ACSL5: variants seen among roughly 807,000 people sequenced by gnomAD.
ACSL5 encodes long-chain-fatty-acid--CoA ligase 5.
ACSL5 carries 50 observed loss-of-function variants against 84.9 expected under a neutral mutation model. That is an observed-to-expected ratio of 0.59 (90% CI 0.47 to 0.75). ACSL5 has a LOEUF of 0.75. Ranked by LOEUF, ACSL5 falls within the 30% of genes least tolerant of loss-of-function variation. The pLI is 0.00. For synonymous variants in ACSL5, 280 were observed against 300.7 expected (o/e 0.93, Z 0.71); for missense variants, 775 against 830.4 (o/e 0.93, Z 0.82).
Position 112,404,702 on chromosome 10 carries a change from T to C in ACSL5, c.331-3T>C, listed in dbSNP as rs1214179556. On this transcript the variant is annotated splice_region_variant and splice_polypyrimidine_tract_variant and intron_variant, in intron 4 of 20. Transcript: ENST00000354655. ...TCTCTCACCCCATCTCTCTTTTTTG[T>C]AGGTGTCTGATAGAGCAGAGTACCT... 4.3e-6 allele frequency: 7 copies of C among 1,613,232 alleles called. No individual in the cohort carries two copies. Among genetic ancestry groups the C allele is most frequent in the Non-Finnish European group, 5.9e-6 (7 of 1,179,360 alleles).
At chr10:112,425,581 C>G (rs1297600722) in intron 18 of ACSL5, 100 bp downstream of exon 18, 2 of 828,512 alleles carry the variant, frequency 2.4e-6, no homozygotes, top group Non-Finnish European at 3.3e-6. Context: ...TGAGAAGATC[C>G]AAGCTTATAA....
intron 1 of ACSL5, among the ~76,000 whole-genome samples, chr10:112,389,024 A>T (rs1849508275): frequency 6.6e-6 from 1 of 152,222 alleles, no homozygotes; most frequent in Admixed American, 6.5e-5. Context: ...GCCAATAGGG[A>T]TAGTATGAAA....
rs35032191 is a variant in ACSL5 at position 112,387,936 on chromosome 10, C to CTTTTTTTT, written c.-29-6970_-29-6963dup. On this transcript the variant is annotated intron_variant, in intron 1 of 20. Transcript: ENST00000354655. Reference sequence around the variant, plus strand: ...AGGTAACAGAATGATTTATTTGTTCCTTTTTTTTTTTTTTTTTTTGGAGAC... The same window carrying CTTTTTTTT: ...AGGTAACAGAATGATTTATTTGTTCCTTTTTTTTTTTTTTTTTTTTTTTTTTTGGAGAC... 2.5e-5 allele frequency among the ~76,000 whole-genome samples: 3 copies of CTTTTTTTT among 118,432 alleles called. 1 individual carries two copies. Among genetic ancestry groups the CTTTTTTTT allele is most frequent in the Non-Finnish European group, 3.3e-5 (2 of 59,818 alleles). 77.7% of individuals were successfully genotyped at this position (118,432 alleles called of 152,430 possible). A position where few individuals can be genotyped will look rare whatever the true frequency, so the allele number is the denominator to read the frequency against.
chr10:112,398,651 C>T (rs537238989), intron 2 of ACSL5, among the ~76,000 whole-genome samples: 4 of 152,168 alleles, frequency 2.6e-5, no homozygotes, highest in East Asian at 1.9e-4. Context: ...GTGATCCACC[C>T]GCCTCAGCCT....
At chr10:112,401,786 C>CTCTTTCTTTCTTTCTT (rs1178224793) in intron 3 of ACSL5, among the ~76,000 whole-genome samples, 103 of 119,476 alleles carry the variant, frequency 8.6e-4, no homozygotes, top group Non-Finnish European at 5.3e-4. Context: ...TTCTTTCTTT[C>CTCTTTCTTTCTTTCTT]TCTTTCTTTC....
At position 112,403,365 on chromosome 10, in the gene ACSL5, G is replaced by A. The variant is rs749902484; in HGVS notation, c.266-1146G>A. ...TGCAATGGCACGATCTCAACTCATC[G>A]CAACTTCCACCTCCCGGGTGAAGCA... On this transcript the variant is annotated intron_variant, in intron 3 of 20. Transcript: ENST00000354655. 3.3e-5 allele frequency among the ~76,000 whole-genome samples: 5 copies of A among 152,276 alleles called. No homozygotes were observed. In the East Asian group the frequency reaches 5.8e-4, roughly 18 times the overall value.
At chr10:112,388,985 T>C (rs1270077457) in intron 1 of ACSL5, among the ~76,000 whole-genome samples, 2 of 152,074 alleles carry the variant, frequency 1.3e-5, no homozygotes, top group African/African-American at 4.8e-5. Flanking sequence ...TTTTAAAAGA[T>C]AGAGACTATC....
intron 3 of ACSL5, among the ~76,000 whole-genome samples, chr10:112,403,027 A>G (rs894286447): frequency 9.2e-5 from 14 of 152,208 alleles, no homozygotes; most frequent in African/African-American, 2.7e-4. Flanking sequence ...TAATTCTTTT[A>G]TTGTCAAATG....
At chr10:112,376,187 A>G (rs1188773080) in intron 1 of ACSL5, 16 of 1,221,548 alleles carry the variant, frequency 1.3e-5, no homozygotes, top group Non-Finnish European at 1.7e-5. Context: ...TTCAGTTGTG[A>G]AAAAAAAAAT....
chr10:112,410,195 C>T, intron 7 of ACSL5: 3 of 1,474,864 alleles, frequency 2.0e-6, no homozygotes, highest in Admixed American at 2.1e-5. Context: ...TTAGTTAGGG[C>T]CCTAGATGAC....
At chr10:112,377,561 A>T (rs1003563403) in intron 1 of ACSL5, among the ~76,000 whole-genome samples, 3 of 151,992 alleles carry the variant, frequency 2.0e-5, no homozygotes, top group Non-Finnish European at 2.9e-5. Flanking sequence ...AAACAAATAA[A>T]AAAACATTGA....
intron 5 of ACSL5, among the ~76,000 whole-genome samples, chr10:112,407,873 C>T (rs544046883): frequency 6.6e-5 from 10 of 152,148 alleles, no homozygotes; most frequent in African/African-American, 1.9e-4. Flanking sequence ...ATACCTCTTA[C>T]GGATGGAACT....
chr10:112,390,675 GATAGA>G (rs1849541836), intron 1 of ACSL5, among the ~76,000 whole-genome samples: 1 of 151,958 alleles, frequency 6.6e-6, no homozygotes, highest in African/African-American at 2.4e-5. Flanking sequence ...TAGATAGATA[GATAGA>G]TAGATAGATA....
At position 112,416,981 on chromosome 10, in the gene ACSL5, C is replaced by T; in HGVS notation, c.1177C>T (p.His393Tyr). The T allele has an allele frequency of 6.2e-7, 1 of 1,613,988 alleles. No homozygotes were observed. The highest frequency in any genetic ancestry group is 8.5e-7 in the Non-Finnish European group (1 of 1,179,960). Residue 393 changes from histidine to tyrosine, a missense_variant, in exon 13 of 21, where the codon CAT (histidine) becomes TAT (tyrosine). Coordinates refer to ENST00000354655, the MANE Select transcript of ACSL5 (RefSeq NM_203379.2). Reference sequence around the variant, plus strand: ...AGAGCTTCAAAAGGGTATCATCAGGCATGATAGTTTCTGGGACAAGCTCAT... The same window carrying T: ...AGAGCTTCAAAAGGGTATCATCAGGTATGATAGTTTCTGGGACAAGCTCAT... ...FKELQKGIIRHDSFWDKLIFA... is the reference protein window; with the variant it reads ...FKELQKGIIRYDSFWDKLIFA...
intron 9 of ACSL5, 123 bp downstream of exon 9, chr10:112,410,758 C>T (rs1329285199): frequency 1.1e-6 from 1 of 921,610 alleles, no homozygotes; most frequent in Admixed American, 2.8e-5. Flanking sequence ...GGCTCACAGC[C>T]TAAGGCTTCT....
At chr10:112,426,694 T>G (rs113278426) in intron 19 of ACSL5, 94 bp from the exon 20 acceptor site, 2 of 1,082,912 alleles carry the variant, frequency 1.8e-6, no homozygotes, top group African/African-American at 3.1e-5. Context: ...GCTTTCATAC[T>G]GCATGGCTTT....
intron 14 of ACSL5, chr10:112,419,610 C>T (rs944580328): frequency 6.6e-6 from 1 of 152,128 alleles, no homozygotes; most frequent in South Asian, 2.1e-4. Flanking sequence ...TGTTGGCACT[C>T]AAAAAGTTTT....
At chr10:112,407,792 C>CA (rs1844079947) in intron 5 of ACSL5, among the ~76,000 whole-genome samples, 1 of 152,160 alleles carries the variant, frequency 6.6e-6, no homozygotes, top group African/African-American at 2.4e-5. Flanking sequence ...CAGTTTCCCA[C>CA]AAGCAGTCCC....
At chr10:112,402,770 A>G (rs892125440) in intron 3 of ACSL5, among the ~76,000 whole-genome samples, 16 of 152,188 alleles carry the variant, frequency 1.1e-4, no homozygotes, top group African/African-American at 2.6e-4. Context: ...TTTTGGCAAG[A>G]CCTGAATTCC....
Sources: gnomAD v4.1 joint callset for allele counts (sites outside exome capture counted in the v4.1 genomes callset) on GRCh38, gnomAD v4.1.1 for gene constraint, MANE v1.5 for transcripts, NCBI Gene and HGNC (gene_info 2026-07-23, HGNC 2026-07-21) for gene names.